JAK1: variants seen among roughly 807,000 people sequenced by gnomAD.
JAK1 encodes Janus kinase 1, also known as tyrosine-protein kinase JAK1.
A neutral mutation model predicts 136.6 loss-of-function variants in JAK1; 16 were observed. That is an observed-to-expected ratio of 0.12 (90% CI 0.08 to 0.18). The LOEUF (loss-of-function observed/expected upper bound fraction) is 0.18. Among genes scored for constraint, JAK1 ranks in the 10% least tolerant of loss-of-function variants. The pLI is 1.00. For synonymous variants in JAK1, 492 were observed against 519.5 expected, an observed-to-expected ratio of 0.95 and a Z score of 0.72; for missense variants, 859 against 1,450.1, an observed-to-expected ratio of 0.59 and a Z score of 6.62.
chr1:64,959,092 G>T (rs1223241139), intron 1 of JAK1, among the ~76,000 whole-genome samples: 1 of 152,156 alleles, frequency 6.6e-6, no homozygotes, highest in Admixed American at 6.6e-5. Context: ...GGAAGACAAG[G>T]GAAGATACAG....
chr1:64,910,121 GTTAT>G (rs1022505930), intron 1 of JAK1, among the ~76,000 whole-genome samples: 10 of 152,164 alleles, frequency 6.6e-5, no homozygotes, highest in South Asian at 6.2e-4. Context: ...CTTTATATTC[GTTAT>G]TTATTTAATC....
At chr1:64,899,817 T>G (rs372151983) in intron 1 of JAK1, among the ~76,000 whole-genome samples, 6 of 152,212 alleles carry the variant, frequency 3.9e-5, no homozygotes, top group East Asian at 1.9e-4. Flanking sequence ...TTCTCCTATG[T>G]TTTGACACAA....
chr1:65,063,240 T>C (rs1055654506), intron 1 of JAK1, among the ~76,000 whole-genome samples: 2 of 152,194 alleles, frequency 1.3e-5, no homozygotes, highest in Non-Finnish European at 2.9e-5. Context: ...GGTGTCACAA[T>C]TGTTACTTTG....
At chr1:64,856,777 A>G (rs1233219624) in intron 10 of JAK1, among the ~76,000 whole-genome samples, 1 of 152,128 alleles carries the variant, frequency 6.6e-6, no homozygotes, top group Non-Finnish European at 1.5e-5. Context: ...CACCCAGGAC[A>G]CTTGGCAGCG....
intron 2 of JAK1, among the ~76,000 whole-genome samples, chr1:65,043,307 G>T (rs562053857): frequency 2.6e-5 from 4 of 152,162 alleles, no homozygotes; most frequent in African/African-American, 9.6e-5. Flanking sequence ...AATCCACAAG[G>T]TCTCCTAGCT....
chr1:64,900,481 G>C (rs1401537450), intron 1 of JAK1, among the ~76,000 whole-genome samples: 1 of 152,174 alleles, frequency 6.6e-6, no homozygotes, highest in Non-Finnish European at 1.5e-5. Flanking sequence ...TTAGAAGGCA[G>C]GCTGGGGTCA....
chr1:64,861,375 G>A (rs1354640448), intron 8 of JAK1, among the ~76,000 whole-genome samples: 1 of 152,166 alleles, frequency 6.6e-6, no homozygotes, highest in Non-Finnish European at 1.5e-5. Context: ...TGGAGAAGAG[G>A]AGGGAGGGGA....
chr1:64,952,295 C>T (rs1646105935), intron 1 of JAK1, among the ~76,000 whole-genome samples: 1 of 152,100 alleles, frequency 6.6e-6, no homozygotes, highest in Admixed American at 6.6e-5. Flanking sequence ...AAACCAAGGG[C>T]CAGGTTGGTC....
intron 2 of JAK1, among the ~76,000 whole-genome samples, chr1:65,035,308 T>C (rs1647063442): frequency 6.6e-6 from 1 of 152,142 alleles, no homozygotes; most frequent in East Asian, 1.9e-4. Flanking sequence ...ACAGAGCCCA[T>C]CCATGAGTTC....
chr1:64,883,519 T>G (rs771732506), intron 2 of JAK1, 44 bp from the exon 3 acceptor site: 1 of 1,532,550 alleles, frequency 6.5e-7, no homozygotes, highest in Non-Finnish European at 9.0e-7. Context: ...CTCTATGTGC[T>G]AAAAGTTCTT....
intron 1 of JAK1, among the ~76,000 whole-genome samples, chr1:64,896,814 C>T (rs1039958581): frequency 1.3e-5 from 2 of 152,078 alleles, no homozygotes; most frequent in Non-Finnish European, 2.9e-5. Flanking sequence ...ATCCAGAGGA[C>T]GGCAGGGAAA....
At chr1:64,919,428 T>C (rs1200886740) in intron 1 of JAK1, among the ~76,000 whole-genome samples, 1 of 152,232 alleles carries the variant, frequency 6.6e-6, no homozygotes, top group African/African-American at 2.4e-5. Flanking sequence ...GATGGACATT[T>C]GGGTTGGTTC....
intron 2 of JAK1, chr1:64,989,841 G>T (rs946289667): frequency 6.6e-6 from 1 of 152,200 alleles, no homozygotes; most frequent in African/African-American, 2.4e-5. Context: ...GAAAAGACAT[G>T]ATTAAAAACT....
Position 64,873,601 on chromosome 1 carries a change from T to C in JAK1, c.330-78A>G, listed in dbSNP as rs912300950. Reference sequence around the variant, plus strand: ...GCAGGGCGTCCTGGCTCACCAACAGTGGTCAGTGCCGGAGGCTGAAGTGCC... The same window carrying C: ...GCAGGGCGTCCTGGCTCACCAACAGCGGTCAGTGCCGGAGGCTGAAGTGCC... On this transcript the variant is annotated intron_variant, in intron 4 of 24. Coordinates refer to ENST00000342505, the MANE Select transcript of JAK1 (RefSeq NM_002227.4). 1.9e-6 allele frequency: 3 copies of C among 1,558,514 alleles called. No homozygotes were observed. The African/African-American group carries it at 4.1e-5, about 21-fold the overall frequency.
rs146604195 is a variant in JAK1 at position 65,041,165 on chromosome 1, G to A, written c.-78+3315C>T. Among the ~76,000 whole-genome samples the A allele has an allele frequency of 1.3e-4, 20 of 152,290 alleles. No individual in the cohort carries two copies. The East Asian group carries it at 2.3e-3, about 18-fold the overall frequency. Reference sequence around the variant, plus strand: ...CAGACCTCCTGAAGGCCTGGCTGTCGCACGGGTCGGAGCAGCCAGCAAGAG... The same window carrying A: ...CAGACCTCCTGAAGGCCTGGCTGTCACACGGGTCGGAGCAGCCAGCAAGAG... On this transcript the variant is annotated intron_variant, in intron 2 of 25. Transcript: ENST00000671954.
chr1:65,039,659 T>G (rs1015419688), intron 2 of JAK1, among the ~76,000 whole-genome samples: 5 of 152,184 alleles, frequency 3.3e-5, no homozygotes, highest in African/African-American at 1.2e-4. Flanking sequence ...CAACACACAT[T>G]GAGCTGCGTA....
At chr1:64,891,698 T>C (rs310250) in intron 1 of JAK1, among the ~76,000 whole-genome samples, 32,793 of 152,168 alleles carry the variant, frequency 0.22, 4,940 homozygotes, top group African/African-American at 0.42. Context: ...GAATAACAGT[T>C]CTGATGAAAG....
intron 2 of JAK1, among the ~76,000 whole-genome samples, chr1:65,039,599 G>A (rs1279519865): frequency 6.6e-6 from 1 of 152,080 alleles, no homozygotes; most frequent in African/African-American, 2.4e-5. Flanking sequence ...TTCTACTATG[G>A]CTTCTCTCAA....
chr1:64,840,277 G>A (rs1207544311), intron 19 of JAK1, among the ~76,000 whole-genome samples: 1 of 152,190 alleles, frequency 6.6e-6, no homozygotes, highest in African/African-American at 2.4e-5. Flanking sequence ...TGCACTCGCT[G>A]CATACAGAAA....
Sources: gnomAD v4.1 joint callset for allele counts (sites outside exome capture counted in the v4.1 genomes callset) on GRCh38, gnomAD v4.1.1 for gene constraint, MANE v1.5 for transcripts, NCBI Gene and HGNC (gene_info 2026-07-23, HGNC 2026-07-21) for gene names.